Variants in NHSL2 observed in about 807,000 individuals in gnomAD.
NHSL2 encodes NHS like 2.
In NHSL2, 27 loss-of-function variants were observed where a neutral mutation model predicts 53.4. The ratio of observed to expected loss-of-function variants is 0.51; its 90% CI spans 0.37 to 0.70. NHSL2 has a LOEUF of 0.70. NHSL2 is among the 30% of genes least tolerant of loss of function. NHSL2 has a pLI of 0.00. For synonymous variants in NHSL2, 408 were observed against 404.1 expected (o/e 1.01, Z -0.12); for missense variants, 892 against 980.1 (o/e 0.91, Z 1.20).
At chrX:72,111,831 A>C (rs1428791273) in intron 1 of NHSL2, among the ~76,000 whole-genome samples, 1 of 111,744 alleles carries the variant, frequency 8.9e-6, no homozygotes, top group Non-Finnish European at 1.9e-5. Context: ...GCTGGTGACC[A>C]AGACAGACAA....
At position 72,137,317 on chromosome X, in the gene NHSL2, G is replaced by C. The variant is rs1364057505; in HGVS notation, c.892+92G>C. 3 of 880,579 alleles carry C rather than the reference G, an allele frequency of 3.4e-6. No individual in the cohort carries two copies. In the Admixed American group the frequency reaches 1.0e-4, roughly 31 times the overall value. The allele number at this position is 880,579 out of a possible 1,213,427, so 72.6% of individuals were successfully genotyped here. ...GGTGGTACTGTGGTGATGGGGAACA[G>C]GAATAATTGGGTGGAGGAGGGGGCC... On this transcript the variant is annotated intron_variant, in intron 5 of 7. Coordinates refer to ENST00000633930, the MANE Select transcript of NHSL2 (RefSeq NM_001013627.3).
chrX:72,042,018 C>T (rs1187149459), intron 1 of NHSL2, among the ~76,000 whole-genome samples: 1 of 112,180 alleles, frequency 8.9e-6, no homozygotes, highest in Non-Finnish European at 1.9e-5. Flanking sequence ...TCTGCCAGCC[C>T]TGACAGAAAC....
chrX:72,143,736 A>G lies in NHSL2; in HGVS notation c.*162A>G. ...GAGAGGCTACTTCATCTAGAGCTAA[A>G]ATCATCTGGCACTTAATCATCTTCA... On this transcript the variant is annotated 3_prime_UTR_variant, in exon 8 of 8. Transcript: ENST00000633930. 2 of 401,232 alleles carry G rather than the reference A, an allele frequency of 5.0e-6. No homozygotes were observed. Among genetic ancestry groups the G allele is most frequent in the Non-Finnish European group, 8.7e-6 (2 of 230,314 alleles). The allele number at this position is 401,232 out of a possible 1,213,427, so 33.1% of individuals were successfully genotyped here.
At chrX:72,131,599 G>A (rs953539445) in intron 1 of NHSL2, 54 of 1,084,186 alleles carry the variant, frequency 5.0e-5, no homozygotes, top group Non-Finnish European at 6.5e-5. Flanking sequence ...TGGAACTACG[G>A]GCGGCCGGAG....
intron 1 of NHSL2, among the ~76,000 whole-genome samples, chrX:72,089,960 A>G (rs1452939182): frequency 8.9e-6 from 1 of 112,217 alleles, no homozygotes; most frequent in Non-Finnish European, 1.9e-5. Context: ...ACGCACAGTA[A>G]CAGTGGGGCT....
At chrX:72,038,481 T>C (rs1208520917) in intron 1 of NHSL2, among the ~76,000 whole-genome samples, 1 of 112,447 alleles carries the variant, frequency 8.9e-6, no homozygotes, top group African/African-American at 3.2e-5. Context: ...ATACATCCAG[T>C]TGTGAGCTCT....
intron 1 of NHSL2, among the ~76,000 whole-genome samples, chrX:72,014,382 T>C (rs2042127594): frequency 8.9e-6 from 1 of 112,167 alleles, no homozygotes; most frequent in Non-Finnish European, 1.9e-5. Flanking sequence ...ACTTAGATGA[T>C]TGATTTGAGA....
At chrX:72,077,061 T>C (rs1265749643) in intron 1 of NHSL2, among the ~76,000 whole-genome samples, 1 of 110,391 alleles carries the variant, frequency 9.1e-6, no homozygotes, top group Non-Finnish European at 1.9e-5. Context: ...GGTGGGGTGC[T>C]CTTTGGGCCC....
chrX:72,036,393 C>G (rs1028612749), intron 1 of NHSL2, among the ~76,000 whole-genome samples: 3 of 112,125 alleles, frequency 2.7e-5, no homozygotes, highest in Non-Finnish European at 3.8e-5. Flanking sequence ...ATCATTATTT[C>G]TCTCTGACTG....
chrX:72,140,201 G>T lies in NHSL2; in HGVS notation c.2653G>T (p.Val885Phe). 4 of 1,210,307 alleles carry T rather than the reference G, an allele frequency of 3.3e-6. No homozygotes were observed. The highest frequency in any genetic ancestry group is 4.5e-6 in the Non-Finnish European group (4 of 894,803). Residue 885 changes from valine (V) to phenylalanine (F), a missense_variant, in exon 6 of 8, where the codon GTC (valine) becomes TTC (phenylalanine). Physicochemically the swap from Val to Phe is conservative, Grantham distance 50. Coordinates refer to ENST00000633930, the MANE Select transcript of NHSL2 (RefSeq NM_001013627.3). ...GGTGGCCCGGAGGCCTCCAAGCTTG[G>T]TCCACAAGCCACCATCTGTTCCTGA... ...PPVARRPPSL[V>F]HKPPSVPEEY... is the part of the protein sequence containing the mutation.
At chrX:72,121,386 T>A (rs2042180006) in intron 1 of NHSL2, among the ~76,000 whole-genome samples, 1 of 111,743 alleles carries the variant, frequency 8.9e-6, no homozygotes, top group Non-Finnish European at 1.9e-5. Flanking sequence ...TCCAGACTAA[T>A]GAAAAATCTG....
chrX:72,048,073 A>ATG (rs2042315310), intron 1 of NHSL2, among the ~76,000 whole-genome samples: 5 of 2,317 alleles, frequency 2.2e-3, no homozygotes, highest in African/African-American at 2.3e-3. Context: ...TCATGATGAT[A>ATG]ACAATAATAA....
chrX:72,023,287 G>A (rs1324670844), intron 1 of NHSL2, among the ~76,000 whole-genome samples: 1 of 112,639 alleles, frequency 8.9e-6, no homozygotes. Flanking sequence ...GGAACAGGCA[G>A]GGCCTGCCTA....
In NHSL2 at chrX:72,004,993, G is replaced by A. The variant is rs767478140; in HGVS notation, c.280+93626G>A. Among the ~76,000 whole-genome samples the A allele has an allele frequency of 4.5e-4, 50 of 111,294 alleles. 1 individual carries two copies. The South Asian group carries it at 0.018, about 39-fold the overall frequency. On this transcript the variant is annotated intron_variant, in intron 1 of 7. Coordinates refer to ENST00000633930, the MANE Select transcript of NHSL2 (RefSeq NM_001013627.3). ...CTTTTAGCCTCCATCTCAGGATCAC[G>A]TTTCCCACCCACCGAGCTAAGGCAG...
intron 1 of NHSL2, among the ~76,000 whole-genome samples, chrX:72,019,508 C>T (rs966298580): frequency 9.8e-5 from 11 of 112,180 alleles, no homozygotes; most frequent in African/African-American, 3.6e-4. Flanking sequence ...CTTATGCTCC[C>T]GAGTACATGG....
chrX:72,085,151 C>G (rs937009554), intron 1 of NHSL2, among the ~76,000 whole-genome samples: 2 of 111,600 alleles, frequency 1.8e-5, no homozygotes, highest in African/African-American at 6.5e-5. Context: ...CCAGGGTTTG[C>G]TTTAGACCTC....
chrX:72,041,359 C>T (rs1006041544), intron 1 of NHSL2, among the ~76,000 whole-genome samples: 3 of 111,996 alleles, frequency 2.7e-5, no homozygotes, highest in Admixed American at 1.9e-4. Context: ...GGAGAGTCTG[C>T]ACCCTGTCTA....
intron 1 of NHSL2, among the ~76,000 whole-genome samples, chrX:72,064,962 C>T (rs1203913443): frequency 1.8e-5 from 2 of 112,205 alleles, no homozygotes; most frequent in African/African-American, 6.5e-5. Flanking sequence ...GAGCACAGTG[C>T]TCAGTGAAAA....
intron 1 of NHSL2, among the ~76,000 whole-genome samples, chrX:71,975,748 G>A (rs1316362447): frequency 3.6e-5 from 4 of 110,702 alleles, no homozygotes; most frequent in African/African-American, 9.9e-5. Context: ...AGCAGGTCCC[G>A]GAGGGTCTTG....
Sources: allele counts gnomAD v4.1 joint callset (sites outside exome capture counted in the v4.1 genomes callset), GRCh38; gene constraint gnomAD v4.1.1; transcripts MANE v1.5; gene names NCBI Gene and HGNC (gene_info 2026-07-23, HGNC 2026-07-21).